Variants in PRKN observed in about 807,000 individuals in gnomAD.
PRKN encodes the protein E3 ubiquitin-protein ligase parkin.
PRKN carries 56 observed loss-of-function variants against 59.5 expected under a neutral mutation model. The ratio of observed to expected loss-of-function variants is 0.94; its 90% CI spans 0.76 to 1.18. The LOEUF (loss-of-function observed/expected upper bound fraction) is 1.18, where lower values mean the gene tolerates loss of function less well. Among genes scored for constraint, PRKN ranks in the 50% most tolerant of loss-of-function variants. PRKN has a pLI of 0.00. For missense variants in PRKN, 657 were observed against 596.4 expected, an observed-to-expected ratio of 1.10 and a Z score of -1.06; for synonymous variants, 250 against 222.1, an observed-to-expected ratio of 1.13 and a Z score of -1.12.
At chr6:162,143,284 A>T (rs1254706407) in intron 4 of PRKN, among the ~76,000 whole-genome samples, 7 of 152,236 alleles carry the variant, frequency 4.6e-5, no homozygotes, top group Non-Finnish European at 1.5e-5. Context: ...TATTCCTTAA[A>T]TGCAAAGAAT....
intron 2 of PRKN, chr6:162,274,939 G>C (rs901649233): frequency 6.6e-6 from 1 of 151,970 alleles, no homozygotes; most frequent in African/African-American, 2.4e-5. Context: ...AAATTAGCCG[G>C]GTGTGGTGGC....
At chr6:162,546,444 A>G (rs940852634) in intron 1 of PRKN, among the ~76,000 whole-genome samples, 1 of 150,908 alleles carries the variant, frequency 6.6e-6, no homozygotes, top group Non-Finnish European at 1.5e-5. Context: ...AGGAAAATTT[A>G]GCCATTTGAA....
At position 161,750,142 on chromosome 6, in the gene PRKN, C is replaced by CACACATATAT. The variant is rs765990689; in HGVS notation, c.871+35629_871+35630insATATATGTGT. On this transcript the variant is annotated intron_variant, in intron 7 of 11. Transcript: ENST00000366898. ...ATACACACACACACACACACACACA[C>CACACATATAT]ATATATAAATTAGTACAAAATTGTT... is the stretch of plus-strand genomic sequence containing the variant. Among the ~76,000 whole-genome samples, 232 of 137,026 alleles carry CACACATATAT rather than the reference C, an allele frequency of 1.7e-3. 2 individuals are homozygous for CACACATATAT. In the Middle Eastern group the frequency reaches 0.025, roughly 15 times the overall value. The allele number at this position is 137,026 out of a possible 152,430, so 89.9% of individuals were successfully genotyped here.
chr6:162,662,920 G>C (rs1303040966), intron 1 of PRKN, among the ~76,000 whole-genome samples: 2 of 151,388 alleles, frequency 1.3e-5, no homozygotes, highest in Non-Finnish European at 2.9e-5. Context: ...GGCTTGGGTT[G>C]GGGGAAAGGG....
Position 162,556,342 on chromosome 6 carries a change from G to GGTGTGTGTGT in PRKN, c.8-112879_8-112870dup, listed in dbSNP as rs202002846. Among the ~76,000 whole-genome samples, 253 of 57,212 alleles carry GGTGTGTGTGT rather than the reference G, an allele frequency of 4.4e-3. 2 individuals carry two copies. Among genetic ancestry groups the GGTGTGTGTGT allele is most frequent in the East Asian group, 0.018 (24 of 1,320 alleles). The allele number at this position is 57,212 out of a possible 152,430, so 37.5% of individuals were successfully genotyped here. A position where few individuals can be genotyped will look rare whatever the true frequency, so the allele number is the denominator to read the frequency against. ...GAAACCAAGCAGTAACTACTCAGCT[G>GGTGTGTGTGT]GTGTGTGTGTGTGTGTGTGTGTGTG... On this transcript the variant is annotated intron_variant, in intron 1 of 11. Coordinates refer to ENST00000366898, the MANE Select transcript of PRKN (RefSeq NM_004562.3).
At chr6:162,418,653 C>T (rs377468768) in intron 2 of PRKN, among the ~76,000 whole-genome samples, 966 of 70,286 alleles carry the variant, frequency 0.014, no homozygotes, top group South Asian at 0.036. Context: ...TGTGTGTATG[C>T]GTGTGTGTTG....
Position 162,244,785 on chromosome 6 carries a change from T to A in PRKN, c.412+17740A>T, listed in dbSNP as rs139017137. 8.9e-4 allele frequency among the ~76,000 whole-genome samples: 135 copies of A among 152,214 alleles called. 1 individual carries two copies. The highest frequency in any genetic ancestry group is 3.0e-3 in the African/African-American group (125 of 41,574). ...ATCTAATCAAGTACACATAAACACT[T>A]TGATCTAATTCAAAGAATATGGAAT... On this transcript the variant is annotated intron_variant, in intron 3 of 11. Transcript: ENST00000366898.
rs768523219 is a variant in PRKN, at chr6:162,018,303, G to A, written c.618+35788C>T. Among the ~76,000 whole-genome samples the A allele has an allele frequency of 7.2e-5, 11 of 152,192 alleles. 1 individual carries two copies. Among genetic ancestry groups the A allele is most frequent in the Non-Finnish European group, 1.2e-4 (8 of 68,042 alleles). ...GGCCTCCCAAAGTGCTGGGATTACA[G>A]GCGTGAGCCACCGCGCCCGGCCCAT... is the stretch of plus-strand genomic sequence containing the variant. On this transcript the variant is annotated intron_variant, in intron 5 of 11. Transcript: ENST00000366898.
intron 5 of PRKN, among the ~76,000 whole-genome samples, chr6:162,039,472 T>C (rs1236634288): frequency 6.6e-6 from 1 of 152,176 alleles, no homozygotes; most frequent in East Asian, 1.9e-4. Flanking sequence ...TTGGTTCTCC[T>C]GAGAACTGGT....
rs762561064 is a variant in PRKN at position 161,704,883 on chromosome 6, G to A, written c.871+80889C>T. Among the ~76,000 whole-genome samples, 6 of 152,280 alleles carry A rather than the reference G, an allele frequency of 3.9e-5. No individual in the cohort carries two copies. The East Asian group carries it at 1.2e-3, about 29-fold the overall frequency. ...GTTCAGGGTCCCTCAGCAGTACCAC[G>A]TTTCTCAGTTACATATGTGCTTTAG... is the stretch of plus-strand genomic sequence containing the variant. On this transcript the variant is annotated intron_variant, in intron 7 of 11. Coordinates refer to ENST00000366898, the MANE Select transcript of PRKN (RefSeq NM_004562.3).
chr6:161,375,998 G>A (rs577878411), intron 10 of PRKN, among the ~76,000 whole-genome samples: 1 of 152,258 alleles, frequency 6.6e-6, no homozygotes, highest in Non-Finnish European at 1.5e-5. Flanking sequence ...AGATCTCCGG[G>A]AATAATAAAT....
At chr6:161,368,840 C>A (rs910336614) in intron 10 of PRKN, among the ~76,000 whole-genome samples, 1 of 152,176 alleles carries the variant, frequency 6.6e-6, no homozygotes, top group African/African-American at 2.4e-5. Context: ...CATGCCCTTT[C>A]TTTGTCATTG....
intron 6 of PRKN, among the ~76,000 whole-genome samples, chr6:161,866,493 T>C (rs1008693871): frequency 6.6e-5 from 10 of 152,010 alleles, no homozygotes. Flanking sequence ...GAGAATGACA[T>C]GAACCCGGGA....
At chr6:161,878,429 G>A (rs1046344463) in intron 6 of PRKN, among the ~76,000 whole-genome samples, 4 of 151,956 alleles carry the variant, frequency 2.6e-5, no homozygotes, top group Non-Finnish European at 4.4e-5. Context: ...TCCCAGAGCC[G>A]ACCACTGTCC....
At chr6:161,836,708 G>A (rs1792770735) in intron 6 of PRKN, among the ~76,000 whole-genome samples, 1 of 152,168 alleles carries the variant, frequency 6.6e-6, no homozygotes, top group African/African-American at 2.4e-5. Flanking sequence ...AAGCTAAAAT[G>A]TCATATCCAG....
At chr6:162,109,882 T>C (rs891478840) in intron 4 of PRKN, among the ~76,000 whole-genome samples, 1 of 152,214 alleles carries the variant, frequency 6.6e-6, no homozygotes, top group African/African-American at 2.4e-5. Flanking sequence ...CTGAAGCATA[T>C]ACAATATCCC....
At chr6:162,615,977 A>G (rs1014050422) in intron 1 of PRKN, among the ~76,000 whole-genome samples, 2 of 152,198 alleles carry the variant, frequency 1.3e-5, no homozygotes, top group Admixed American at 1.3e-4. Context: ...GCTCTCATAA[A>G]CATTATGTAT....
intron 1 of PRKN, chr6:162,571,152 C>T (rs1463823356): frequency 1.3e-5 from 2 of 155,682 alleles, no homozygotes; most frequent in Non-Finnish European, 2.9e-5. Context: ...AGTGAAACCC[C>T]TGTCTCTACT....
chr6:162,384,666 A>AAC lies in PRKN; in HGVS notation c.171+58643_171+58644insGT, dbSNP rs1554311207. Among the ~76,000 whole-genome samples the AAC allele has an allele frequency of 2.1e-4, 31 of 148,520 alleles. 2 individuals carry two copies. Among genetic ancestry groups the AAC allele is most frequent in the African/African-American group, 6.9e-4 (27 of 39,294 alleles). Reference sequence around the variant, plus strand: ...AATTTGTAAAAAAAAAAAAAAACAAAAAAAAAAAACACTCATTATCTGCAA... The same window carrying AAC: ...AATTTGTAAAAAAAAAAAAAAACAAAACAAAAAAAAACACTCATTATCTGCAA... On this transcript the variant is annotated intron_variant, in intron 2 of 11. Coordinates refer to ENST00000366898, the MANE Select transcript of PRKN (RefSeq NM_004562.3).
Sources: allele counts gnomAD v4.1 joint callset (sites outside exome capture counted in the v4.1 genomes callset), GRCh38; gene constraint gnomAD v4.1.1; transcripts MANE v1.5; gene names NCBI Gene and HGNC (gene_info 2026-07-23, HGNC 2026-07-21).